Variants in FSTL4 observed in about 807,000 individuals in gnomAD.
FSTL4 encodes follistatin-related protein 4.
FSTL4 carries 28 observed loss-of-function variants against 78.2 expected under a neutral mutation model. That is an observed-to-expected ratio of 0.36 (90% confidence interval 0.27 to 0.49). The LOEUF (loss-of-function observed/expected upper bound fraction) is 0.49, where lower values mean the gene tolerates loss of function less well. Among genes scored for constraint, FSTL4 ranks in the 20% least tolerant of loss-of-function variants. The pLI, the probability that FSTL4 is intolerant of heterozygous loss-of-function variation, is 0.98. For missense variants in FSTL4, 922 were observed against 1,084.9 expected (o/e 0.85, Z 2.11); for synonymous variants, 422 against 440.5 (o/e 0.96, Z 0.53).
the FSTL4 span, among the ~76,000 whole-genome samples, chr5:133,639,701 G>A: frequency 3.9e-5 from 6 of 152,180 alleles, no homozygotes; most frequent in Non-Finnish European, 8.8e-5. Context: ...AAACTTGGGG[G>A]GAATGCTTTC....
intron 7 of FSTL4, among the ~76,000 whole-genome samples, chr5:133,242,085 C>G (rs902652947): frequency 6.6e-6 from 1 of 152,194 alleles, no homozygotes; most frequent in African/African-American, 2.4e-5. Context: ...TGCATCACTT[C>G]CGAGAACTTA....
Position 133,225,022 on chromosome 5 carries a change from T to TA in FSTL4, c.1312+127dup. The TA allele has an allele frequency of 9.3e-7, 1 of 1,069,762 alleles. No individual in the cohort carries two copies. Among genetic ancestry groups the TA allele is most frequent in the South Asian group, 1.4e-5 (1 of 69,666 alleles). 66.3% of individuals were successfully genotyped at this position (1,069,762 alleles called of 1,614,324 possible). On this transcript the variant is annotated intron_variant, in intron 10 of 15. Coordinates refer to ENST00000265342, the MANE Select transcript of FSTL4 (RefSeq NM_015082.2). The surrounding 1 kb of genome is among the most constrained non-coding windows in gnomAD (Gnocchi z 4.6). ...AATTCCAGCTTTATGCAAAGAGGGA[T>TA]ATGAGGCTTACCCCTGTCTTCACGG...
At chr5:133,431,567 G>A (rs1249156337) in intron 3 of FSTL4, among the ~76,000 whole-genome samples, 1 of 152,222 alleles carries the variant, frequency 6.6e-6, no homozygotes, top group Non-Finnish European at 1.5e-5. Context: ...GATGCTAGAT[G>A]TGTGGGTAAC....
chr5:133,541,546 G>A (rs761928147), intron 3 of FSTL4, among the ~76,000 whole-genome samples: 8 of 152,106 alleles, frequency 5.3e-5, no homozygotes, highest in African/African-American at 1.7e-4. Flanking sequence ...ACAAGAGGAG[G>A]GTCAAAGACA....
intron 2 of FSTL4, among the ~76,000 whole-genome samples, chr5:133,577,135 G>T (rs1220730019): frequency 6.6e-6 from 1 of 152,210 alleles, no homozygotes; most frequent in African/African-American, 2.4e-5. Flanking sequence ...GGATTTCTCA[G>T]CACACCATGT....
intron 3 of FSTL4, among the ~76,000 whole-genome samples, chr5:133,513,419 G>A (rs1758779130): frequency 6.6e-6 from 1 of 152,210 alleles, no homozygotes; most frequent in Non-Finnish European, 1.5e-5. Flanking sequence ...CACCGACACA[G>A]TGGGTAAGAG....
intron 6 of FSTL4, among the ~76,000 whole-genome samples, chr5:133,302,710 C>T (rs185014361): frequency 2.0e-4 from 30 of 152,350 alleles, no homozygotes; most frequent in Non-Finnish European, 3.5e-4. Context: ...GCCATCAGCT[C>T]ACAGACCACT....
At chr5:133,282,567 G>A (rs1753034078) in intron 6 of FSTL4, among the ~76,000 whole-genome samples, 1 of 152,244 alleles carries the variant, frequency 6.6e-6, no homozygotes, top group African/African-American at 2.4e-5. Flanking sequence ...GTGAGCTGGA[G>A]GTGCAGCAGT....
the FSTL4 span, among the ~76,000 whole-genome samples, chr5:133,657,775 G>GTTTTTTTTTTTTTTT: frequency 1.5e-5 from 2 of 133,696 alleles, no homozygotes; most frequent in African/African-American, 2.8e-5. Context: ...TGTTTTTTTT[G>GTTTTTTTTTTTTTTT]TTTTTTTTTT....
rs576953631 is a variant in FSTL4 at position 133,288,538 on chromosome 5, C to T, written c.727+24116G>A. ...AAGACCAAACACAGACCCTGCCCAGCCACGAGGGGCTCAAAACCTGTCACA... is the reference window on the plus strand; with the variant it reads ...AAGACCAAACACAGACCCTGCCCAGTCACGAGGGGCTCAAAACCTGTCACA... On this transcript the variant is annotated intron_variant, in intron 6 of 15. Coordinates refer to ENST00000265342, the MANE Select transcript of FSTL4 (RefSeq NM_015082.2). Among the ~76,000 whole-genome samples, 94 of 152,382 alleles carry T rather than the reference C, an allele frequency of 6.2e-4. 3 individuals are homozygous for T. Among genetic ancestry groups the T allele is most frequent in the African/African-American group, 2.0e-3 (84 of 41,594 alleles).
the FSTL4 span, among the ~76,000 whole-genome samples, chr5:133,686,550 A>G: frequency 6.6e-6 from 1 of 152,260 alleles, no homozygotes; most frequent in Non-Finnish European, 1.5e-5. Flanking sequence ...CCATTAACAC[A>G]GCATGGATAA....
chr5:133,548,244 T>C (rs1348963541), intron 3 of FSTL4, among the ~76,000 whole-genome samples: 2 of 152,232 alleles, frequency 1.3e-5, no homozygotes, highest in African/African-American at 4.8e-5. Context: ...TCAGTGTTTA[T>C]AGTCAAGAAT....
At chr5:133,226,514 G>A (rs1480190740) in intron 8 of FSTL4, among the ~76,000 whole-genome samples, 1 of 152,214 alleles carries the variant, frequency 6.6e-6, no homozygotes, top group African/African-American at 2.4e-5. Context: ...GGAGGGGCCT[G>A]GAAGAAGCAA....
At chr5:133,329,900 G>A (rs1754302715) in intron 4 of FSTL4, among the ~76,000 whole-genome samples, 1 of 152,186 alleles carries the variant, frequency 6.6e-6, no homozygotes, top group Admixed American at 6.5e-5. Context: ...AATCTAATGT[G>A]TTACACGACA....
chr5:133,436,894 G>A (rs77945149), intron 3 of FSTL4, among the ~76,000 whole-genome samples: 1,791 of 152,276 alleles, frequency 0.012, 40 homozygotes, highest in African/African-American at 0.041. Flanking sequence ...TGAGAGTCTT[G>A]TTGAGAAAAA....
intron 6 of FSTL4, among the ~76,000 whole-genome samples, chr5:133,270,473 C>T (rs918800275): frequency 2.6e-4 from 39 of 152,158 alleles, no homozygotes; most frequent in Non-Finnish European, 1.5e-4. Flanking sequence ...ATTAGCGCTC[C>T]GTTCCTGAAA....
chr5:133,728,786 G>C, the FSTL4 span, among the ~76,000 whole-genome samples: 52 of 151,952 alleles, frequency 3.4e-4, no homozygotes, highest in African/African-American at 1.2e-3. Context: ...CTTTAATTGT[G>C]AGCAATGTAT....
chr5:133,295,104 A>G (rs1753358643), intron 6 of FSTL4, among the ~76,000 whole-genome samples: 1 of 152,002 alleles, frequency 6.6e-6, no homozygotes, highest in South Asian at 2.1e-4. Flanking sequence ...TCACTCTCCT[A>G]CACAATCGTT....
the FSTL4 span, among the ~76,000 whole-genome samples, chr5:133,646,307 G>T: frequency 2.0e-5 from 3 of 152,096 alleles, no homozygotes; most frequent in Non-Finnish European, 2.9e-5. Context: ...TAAGTCAAAG[G>T]CTCTGAGTGA....
Sources: gnomAD v4.1 joint callset for allele counts (sites outside exome capture counted in the v4.1 genomes callset) on GRCh38, gnomAD v4.1.1 for gene constraint, Gnocchi (gnomAD v3.1) non-coding constraint, MANE v1.5 for transcripts, NCBI Gene and HGNC (gene_info 2026-07-23, HGNC 2026-07-21) for gene names.